EML4: variants seen among roughly 807,000 people sequenced by gnomAD.
The protein encoded by EML4 is EMAP like 4.
A neutral mutation model predicts 129.0 loss-of-function variants in EML4; 72 were observed. That is an observed-to-expected ratio of 0.56 (90% CI 0.46 to 0.68). The LOEUF (loss-of-function observed/expected upper bound fraction) is 0.68, where lower values mean the gene tolerates loss of function less well. Ranked by LOEUF, EML4 falls within the 30% of genes least tolerant of loss-of-function variation. EML4 has a pLI of 0.00. For synonymous variants in EML4, 532 were observed against 405.0 expected, an observed-to-expected ratio of 1.31 and a Z score of -3.77; for missense variants, 1,363 against 1,190.6, an observed-to-expected ratio of 1.14 and a Z score of -2.13.
chr2:42,256,873 C>A (rs542865116), intron 3 of EML4, among the ~76,000 whole-genome samples: 1 of 152,154 alleles, frequency 6.6e-6, no homozygotes, highest in Non-Finnish European at 1.5e-5. Context: ...GTTTCATTTC[C>A]TGGTTTTGTT....
intron 1 of EML4, among the ~76,000 whole-genome samples, chr2:42,179,953 G>C (rs10171023): frequency 0.15 from 22,710 of 152,158 alleles, 1,698 homozygotes; most frequent in African/African-American, 0.18. Context: ...GGGAGGGAGG[G>C]ACAGAGCATG....
intron 20 of EML4, 158 bp from the exon 21 acceptor site, chr2:42,325,995 TA>T (rs1394899885): frequency 4.2e-6 from 3 of 711,076 alleles, no homozygotes; most frequent in Non-Finnish European, 5.2e-6. Flanking sequence ...TAAACCCTGT[TA>T]AAGTGAACAC....
intron 1 of EML4, among the ~76,000 whole-genome samples, chr2:42,235,462 C>T (rs1047542256): frequency 1.1e-4 from 16 of 152,080 alleles, no homozygotes; most frequent in African/African-American, 3.4e-4. Flanking sequence ...GACTGTGTCT[C>T]AAAACAAACA....
chr2:42,308,965 C>A (rs1053500391), intron 17 of EML4, among the ~76,000 whole-genome samples: 12 of 152,160 alleles, frequency 7.9e-5, no homozygotes, highest in Admixed American at 3.9e-4. Context: ...CCACCTTCAT[C>A]AACTGATGGA....
At position 42,214,496 on chromosome 2, in the gene EML4, A is replaced by T. The variant is rs368583087; in HGVS notation, c.26-31009A>T. On this transcript the variant is annotated intron_variant, in intron 1 of 22. Coordinates refer to ENST00000318522, the MANE Select transcript of EML4 (RefSeq NM_019063.5). Reference sequence around the variant, plus strand: ...ATGAATGTATTGCTAAAAATGAAGGATTTGGGCTAAATATTTAGTGATTAA... The same window carrying T: ...ATGAATGTATTGCTAAAAATGAAGGTTTTGGGCTAAATATTTAGTGATTAA... Among the ~76,000 whole-genome samples, 43 of 151,962 alleles carry T rather than the reference A, an allele frequency of 2.8e-4. 1 individual carries two copies. The South Asian group carries it at 8.9e-3, about 32-fold the overall frequency.
chr2:42,234,190 G>A (rs896814221), intron 1 of EML4, among the ~76,000 whole-genome samples: 1 of 152,208 alleles, frequency 6.6e-6, no homozygotes, highest in Admixed American at 6.5e-5. Context: ...GAGCAAAAGG[G>A]CAGGAGAAGA....
chr2:42,219,573 A>G (rs1419407250), intron 1 of EML4, among the ~76,000 whole-genome samples: 1 of 152,196 alleles, frequency 6.6e-6, no homozygotes, highest in African/African-American at 2.4e-5. Context: ...AAAAATCAAA[A>G]AGTTTATGTA....
At chr2:42,285,046 C>T (rs1423983621) in intron 9 of EML4, among the ~76,000 whole-genome samples, 1 of 147,324 alleles carries the variant, frequency 6.8e-6, no homozygotes, top group African/African-American at 2.6e-5. Flanking sequence ...GTTGATGAAC[C>T]TGTTGATTCT....
chr2:42,224,465 G>T (rs1449527158), intron 1 of EML4, among the ~76,000 whole-genome samples: 1 of 152,062 alleles, frequency 6.6e-6, no homozygotes, highest in Non-Finnish European at 1.5e-5. Context: ...ATGGACATTT[G>T]GGTTATTTCT....
chr2:42,273,961 C>A (rs1433207201), intron 6 of EML4, among the ~76,000 whole-genome samples: 1 of 152,088 alleles, frequency 6.6e-6, no homozygotes. Flanking sequence ...TTAACTGGAA[C>A]TTGAAGTCTT....
intron 3 of EML4, among the ~76,000 whole-genome samples, chr2:42,257,535 T>C (rs2104363085): frequency 6.6e-6 from 1 of 152,248 alleles, no homozygotes; most frequent in South Asian, 2.1e-4. Context: ...CTTCAGCCCT[T>C]TTAAAAATTC....
intron 19 of EML4, among the ~76,000 whole-genome samples, chr2:42,320,361 C>T (rs1572754215): frequency 6.6e-6 from 1 of 151,790 alleles, no homozygotes; most frequent in Middle Eastern, 3.4e-3. Flanking sequence ...TTAATTTGCT[C>T]CAGAGTCATC....
intron 2 of EML4, among the ~76,000 whole-genome samples, chr2:42,256,200 G>T (rs543756344): frequency 6.6e-6 from 1 of 152,274 alleles, no homozygotes; most frequent in South Asian, 2.1e-4. Context: ...GCACACATTT[G>T]AATCATGTGT....
intron 13 of EML4, among the ~76,000 whole-genome samples, chr2:42,300,965 G>A (rs1186874835): frequency 6.6e-6 from 1 of 152,128 alleles, no homozygotes; most frequent in East Asian, 1.9e-4. Flanking sequence ...CCTTTCGTCT[G>A]TGGAATTATC....
intron 17 of EML4, among the ~76,000 whole-genome samples, chr2:42,305,028 A>C (rs936630297): frequency 6.6e-6 from 1 of 152,142 alleles, no homozygotes; most frequent in Non-Finnish European, 1.5e-5. Flanking sequence ...CTGAGGCAGG[A>C]GAATCAGTTG....
chr2:42,330,368 C>T lies in EML4; in HGVS notation c.*161C>T. The T allele has an allele frequency of 2.8e-6, 2 of 722,424 alleles. No individual in the cohort carries two copies. The highest frequency in any genetic ancestry group is 2.7e-5 in the East Asian group (1 of 37,176). 44.8% of individuals were successfully genotyped at this position (722,424 alleles called of 1,614,324 possible). On this transcript the variant is annotated 3_prime_UTR_variant, in exon 23 of 23. Transcript: ENST00000318522. ...AGTCTTATTTTCAGTCTCTCAAATA[C>T]AGCCAACTTAAAGTTTTAGTTTGGT...
intron 1 of EML4, among the ~76,000 whole-genome samples, chr2:42,176,335 A>T (rs772063422): frequency 6.6e-6 from 1 of 152,068 alleles, no homozygotes; most frequent in Non-Finnish European, 1.5e-5. Flanking sequence ...GAGAATCTCC[A>T]CCTGTCCAGT....
intron 19 of EML4, among the ~76,000 whole-genome samples, chr2:42,320,341 A>G (rs1161946997): frequency 6.6e-6 from 1 of 151,908 alleles, no homozygotes; most frequent in Non-Finnish European, 1.5e-5. Flanking sequence ...AAAAAAAAAA[A>G]AAGCTGTGCT....
rs759776475 is a variant in EML4, at chr2:42,282,860, T to C, written c.829T>C (p.Tyr277His). ...AGGAAAGGACTGTAGAGCTAATGTT[T>C]ACCTTCTTCCGACCGGGAAAATAGT... Reference protein sequence around the residue: ...YRGKDCRANVYLLPTGKIVYF... With the variant: ...YRGKDCRANVHLLPTGKIVYF... The change falls in exon 8 of 23, where the codon TAC (tyrosine) becomes CAC (histidine). Residue 277 changes from tyrosine to histidine, a missense_variant. Physicochemically the swap from Tyr to His is moderately conservative, Grantham distance 83. Coordinates refer to ENST00000318522, the MANE Select transcript of EML4 (RefSeq NM_019063.5). 43 of 1,613,408 alleles carry C rather than the reference T, an allele frequency of 2.7e-5. No homozygotes were observed. In the South Asian group the frequency reaches 4.5e-4, roughly 17 times the overall value.
Sources: allele counts gnomAD v4.1 joint callset (sites outside exome capture counted in the v4.1 genomes callset), GRCh38; gene constraint gnomAD v4.1.1; transcripts MANE v1.5; gene names NCBI Gene and HGNC (gene_info 2026-07-23, HGNC 2026-07-21).